The following ROBO2 variants were observed in gnomAD, a reference collection of about 807,000 sequenced individuals.
ROBO2 encodes roundabout guidance receptor 2.
Under a neutral mutation model 160.8 loss-of-function variants are expected in ROBO2, and 53 were observed. The observed-to-expected ratio is 0.33, with a 90% CI of 0.26 to 0.41. The LOEUF (loss-of-function observed/expected upper bound fraction) is 0.41, where lower values mean the gene tolerates loss of function less well. Among genes scored for constraint, ROBO2 ranks in the 10% least tolerant of loss-of-function variants. ROBO2 has a pLI of 1.00. For missense variants in ROBO2, 1,577 were observed against 1,722.4 expected (o/e 0.92, Z 1.49); for synonymous variants, 664 against 611.7 (o/e 1.09, Z -1.26).
chr3:76,185,215 T>TATATATATATATATATATATAAAC, intron 2 of ROBO2, among the ~76,000 whole-genome samples: 1 of 90,290 alleles, frequency 1.1e-5, no homozygotes, highest in Non-Finnish European at 2.3e-5. Flanking sequence ...TATATATATA[T>TATATATATATATATATATATAAAC]ACACACACAA....
intron 2 of ROBO2, among the ~76,000 whole-genome samples, chr3:77,343,908 TTTTG>T (rs776076035): frequency 1.3e-5 from 2 of 152,300 alleles, no homozygotes; most frequent in East Asian, 1.9e-4. Context: ...TGCTCTTAAA[TTTTG>T]TTTGTTTGTT....
intron 2 of ROBO2, among the ~76,000 whole-genome samples, chr3:75,987,441 G>A (rs1464361634): frequency 1.3e-5 from 2 of 151,938 alleles, no homozygotes; most frequent in Non-Finnish European, 1.5e-5. Flanking sequence ...CTATGTGTGT[G>A]TGCGTGTGTG....
chr3:76,687,891 T>C (rs913187461), intron 2 of ROBO2, among the ~76,000 whole-genome samples: 2 of 152,040 alleles, frequency 1.3e-5, no homozygotes, highest in African/African-American at 4.8e-5. Context: ...AAACACTAAA[T>C]CTCCTTAAAC....
intron 2 of ROBO2, among the ~76,000 whole-genome samples, chr3:77,446,622 G>A (rs187062448): frequency 1.3e-4 from 19 of 151,968 alleles, no homozygotes; most frequent in Non-Finnish European, 5.9e-5. Flanking sequence ...TTCTTATAGT[G>A]CTTAAACACT....
chr3:76,159,830 A>T (rs2072552032), intron 2 of ROBO2, among the ~76,000 whole-genome samples: 1 of 152,162 alleles, frequency 6.6e-6, no homozygotes, highest in East Asian at 1.9e-4. Flanking sequence ...TCTTTTTTAG[A>T]TTGTTAACTA....
exon 26 of ROBO2, chr3:77,646,102 C>A: frequency 6.6e-7 from 1 of 1,517,162 alleles, no homozygotes; most frequent in Non-Finnish European, 9.1e-7. Flanking sequence ...CCATCAGGTC[C>A]GGACTCATGG....
chr3:77,277,546 G>A (rs11924046), intron 2 of ROBO2, among the ~76,000 whole-genome samples: 32,321 of 151,888 alleles, frequency 0.21, 4,158 homozygotes, highest in African/African-American at 0.36. Context: ...AAGTGAGAAC[G>A]TGTAGTGTTT....
At chr3:76,491,008 G>A (rs1264012322) in intron 2 of ROBO2, among the ~76,000 whole-genome samples, 3 of 151,514 alleles carry the variant, frequency 2.0e-5, no homozygotes, top group Non-Finnish European at 4.4e-5. Flanking sequence ...TGCTCAGGCT[G>A]GAGTGCAGTG....
intron 2 of ROBO2, among the ~76,000 whole-genome samples, chr3:76,431,634 C>G (rs1013813704): frequency 2.6e-5 from 4 of 152,080 alleles, no homozygotes; most frequent in African/African-American, 9.6e-5. Context: ...GAAAATGATC[C>G]TTTGCATGAG....
At chr3:76,484,394 T>C (rs1018672003) in intron 2 of ROBO2, among the ~76,000 whole-genome samples, 2 of 152,146 alleles carry the variant, frequency 1.3e-5, no homozygotes, top group African/African-American at 4.8e-5. Flanking sequence ...CACTTAAGTA[T>C]CTGTTGTGTG....
intron 2 of ROBO2, among the ~76,000 whole-genome samples, chr3:76,365,305 G>A (rs916606042): frequency 1.4e-4 from 21 of 152,142 alleles, no homozygotes; most frequent in South Asian, 6.2e-4. Flanking sequence ...TTCCTGTACA[G>A]GTAGATGATC....
rs557867359 is a variant in ROBO2 at position 77,031,689 on chromosome 3, AATT to A, written c.110-66322_110-66320del. 2.7e-5 allele frequency among the ~76,000 whole-genome samples: 4 copies of A among 147,060 alleles called. No individual in the cohort carries two copies. In the South Asian group the frequency reaches 8.4e-4, roughly 31 times the overall value. On this transcript the variant is annotated intron_variant, in intron 2 of 26. Transcript: ENST00000487694. ...ATAATATATTAAATTTAATGTAATT[AATT>A]ATAATATAATACATTATAATTATAT...
At chr3:77,429,578 A>G (rs2078562453) in intron 2 of ROBO2, among the ~76,000 whole-genome samples, 1 of 150,932 alleles carries the variant, frequency 6.6e-6, no homozygotes, top group Admixed American at 6.6e-5. Flanking sequence ...TAAGTAATAG[A>G]AAACAGTTCA....
intron 2 of ROBO2, among the ~76,000 whole-genome samples, chr3:77,156,656 G>T (rs2078035213): frequency 6.6e-6 from 1 of 151,320 alleles, no homozygotes; most frequent in African/African-American, 2.4e-5. Context: ...TTTTACTTTA[G>T]TAAAATAGTA....
chr3:77,174,014 T>C (rs2079891777), intron 2 of ROBO2, among the ~76,000 whole-genome samples: 1 of 152,104 alleles, frequency 6.6e-6, no homozygotes, highest in South Asian at 2.1e-4. Flanking sequence ...GACCCCAACG[T>C]AGAAGAAAGG....
intron 2 of ROBO2, among the ~76,000 whole-genome samples, chr3:76,988,712 T>A (rs2060514444): frequency 1.3e-5 from 2 of 152,164 alleles, no homozygotes; most frequent in Admixed American, 1.3e-4. Flanking sequence ...TCAGTAGAAC[T>A]GAGACATTAA....
chr3:77,540,776 G>A (rs559733999), intron 6 of ROBO2, among the ~76,000 whole-genome samples: 2 of 152,146 alleles, frequency 1.3e-5, no homozygotes, highest in East Asian at 3.9e-4. Context: ...CATGCCCTGA[G>A]TAAGATTCAG....
At chr3:77,646,332 A>G (rs2095412576) in exon 26 of ROBO2, 1 of 344,612 alleles carries the variant, frequency 2.9e-6, no homozygotes, top group Non-Finnish European at 5.3e-6. Context: ...TCTCCTCTGT[A>G]TATAATTTCT....
intron 2 of ROBO2, among the ~76,000 whole-genome samples, chr3:76,548,365 A>G (rs2083227937): frequency 6.6e-6 from 1 of 152,136 alleles, no homozygotes; most frequent in Non-Finnish European, 1.5e-5. Flanking sequence ...CCAGCCCTGG[A>G]AATAGTATAA....
Sources: gnomAD v4.1 joint callset for allele counts (sites outside exome capture counted in the v4.1 genomes callset) on GRCh38, gnomAD v4.1.1 for gene constraint, MANE v1.5 for transcripts, NCBI Gene and HGNC (gene_info 2026-07-23, HGNC 2026-07-21) for gene names.